PRCP: variants seen among roughly 807,000 people sequenced by gnomAD.
PRCP encodes the protein prolylcarboxypeptidase.
In PRCP, 46 loss-of-function variants were observed where a neutral mutation model predicts 54.2. The observed-to-expected ratio is 0.85, with a 90% CI of 0.67 to 1.09. The LOEUF (loss-of-function observed/expected upper bound fraction) is 1.09, where lower values mean the gene tolerates loss of function less well. Ranked by LOEUF, PRCP falls within the 50% of genes least tolerant of loss-of-function variation. The pLI is 0.00. For missense variants in PRCP, 613 were observed against 596.8 expected, an observed-to-expected ratio of 1.03 and a Z score of -0.28; for synonymous variants, 240 against 212.2, an observed-to-expected ratio of 1.13 and a Z score of -1.14.
chr11:82,899,828 A>G (rs1860213775), intron 1 of PRCP: 1 of 190,440 alleles, frequency 5.3e-6, no homozygotes, highest in Non-Finnish European at 1.1e-5. Flanking sequence ...AGGTAAAGAT[A>G]TTAAAATTTG....
chr11:82,878,942 C>A (rs1427848544), intron 1 of PRCP, among the ~76,000 whole-genome samples: 1 of 152,214 alleles, frequency 6.6e-6, no homozygotes, highest in Non-Finnish European at 1.5e-5. Flanking sequence ...GTTACCCAAC[C>A]TTTCTCTCCG....
In PRCP at chr11:82,900,305, T is replaced by A; in HGVS notation, c.98A>T (p.His33Leu). 6.2e-7 allele frequency: 1 copy of A among 1,614,184 alleles called. No homozygotes were observed. The highest frequency in any genetic ancestry group is 1.1e-5 in the South Asian group (1 of 91,084). Residue 33 changes from histidine (H) to leucine (L), a missense_variant, in exon 1 of 9, where the codon CAC becomes CTC. Physicochemically the swap from His to Leu is moderately conservative, Grantham distance 99. Coordinates refer to ENST00000313010, the MANE Select transcript of PRCP (RefSeq NM_005040.4). ...GAGGGATGTGGGGTTGGTTGGCAAG[T>A]GTAGGCTGCCGAGGGCCCTTAAGGC... ...RPALRALGSL[H>L]LPTNPTSLPA...
intron 3 of PRCP, among the ~76,000 whole-genome samples, chr11:82,851,095 T>A (rs1293118511): frequency 6.6e-6 from 1 of 152,208 alleles, no homozygotes; most frequent in Non-Finnish European, 1.5e-5. Context: ...AAACTCATAA[T>A]GTTAAGTTTC....
chr11:82,893,035 T>C lies in PRCP; in HGVS notation c.168+7200A>G, dbSNP rs186838086. 4.1e-4 allele frequency among the ~76,000 whole-genome samples: 62 copies of C among 152,358 alleles called. 1 individual carries two copies. The highest frequency in any genetic ancestry group is 1.3e-3 in the African/African-American group (55 of 41,578). ...TCATTAGTGCTGTCTGTCTAGGCACTACAAAGCCAATACTTTTTGTCTCCC... is the reference window on the plus strand; with the variant it reads ...TCATTAGTGCTGTCTGTCTAGGCACCACAAAGCCAATACTTTTTGTCTCCC... On this transcript the variant is annotated intron_variant, in intron 1 of 8. Coordinates refer to ENST00000313010, the MANE Select transcript of PRCP (RefSeq NM_005040.4).
chr11:82,825,638 A>AAGAAAGGGAGGGAGGGAGGGAGGAAAGG (rs1858211586), intron 8 of PRCP: 1 of 157,874 alleles, frequency 6.3e-6, no homozygotes, highest in African/African-American at 2.4e-5. Context: ...GGGAGGAAAG[A>AAGAAAGGGAGGGAGGGAGGGAGGAAAGG]AGAAAGGGAG....
intron 7 of PRCP, among the ~76,000 whole-genome samples, chr11:82,838,908 C>T (rs1858593738): frequency 1.3e-5 from 2 of 152,164 alleles, no homozygotes; most frequent in South Asian, 2.1e-4. Flanking sequence ...ATTAGACTCC[C>T]TTTCTTTTAT....
chr11:82,900,566 G>A, upstream of PRCP: 1 of 935,398 alleles, frequency 1.1e-6, no homozygotes, highest in Non-Finnish European at 1.7e-6. Context: ...CCCAAGCCAG[G>A]TCACCACAGC....
chr11:82,848,293 C>A (rs565222203), intron 6 of PRCP, among the ~76,000 whole-genome samples: 1 of 152,142 alleles, frequency 6.6e-6, no homozygotes, highest in Non-Finnish European at 1.5e-5. Context: ...AATGAACATA[C>A]ACAATAAATA....
intron 6 of PRCP, among the ~76,000 whole-genome samples, chr11:82,847,128 C>G (rs902234210): frequency 3.3e-5 from 5 of 152,236 alleles, no homozygotes; most frequent in African/African-American, 9.6e-5. Flanking sequence ...GTTTCTCAAC[C>G]TCTGTTCTAA....
rs577811201 is a variant in PRCP, at chr11:82,876,484, A to G, written c.169-16367T>C. ...ATATAGTTTTGCTGTGTCCCCACCC[A>G]AATCTCAACTTGAATTGTATCTCCC... On this transcript the variant is annotated intron_variant, in intron 1 of 8. Coordinates refer to ENST00000313010, the MANE Select transcript of PRCP (RefSeq NM_005040.4). Among the ~76,000 whole-genome samples the G allele has an allele frequency of 5.3e-5, 8 of 152,278 alleles. No homozygotes were observed. In the East Asian group the frequency reaches 1.3e-3, roughly 26 times the overall value.
chr11:82,886,632 A>G (rs1346588918), intron 1 of PRCP, among the ~76,000 whole-genome samples: 2 of 152,122 alleles, frequency 1.3e-5, no homozygotes, highest in East Asian at 1.9e-4. Flanking sequence ...CCTTCTGTCT[A>G]TTTCTGAAAT....
rs1346512663 is a variant in PRCP, at chr11:82,823,825, T to C, written c.*1081A>G. ...TTGAAAGAAGCCAACCCCTTGGAAA[T>C]AGGAATGGCTTGGCCATTTATTAAT... On this transcript the variant is annotated 3_prime_UTR_variant, in exon 9 of 9. Transcript: ENST00000313010. 2.0e-5 allele frequency: 3 copies of C among 152,112 alleles called. No individual in the cohort carries two copies. The highest frequency in any genetic ancestry group is 4.1e-4 in the South Asian group (2 of 4,824). 9.4% of individuals were successfully genotyped at this position (152,112 alleles called of 1,614,324 possible). A position where few individuals can be genotyped will look rare whatever the true frequency, so the allele number is the denominator to read the frequency against.
At chr11:82,884,470 C>T (rs1479871462) in intron 1 of PRCP, among the ~76,000 whole-genome samples, 1 of 152,154 alleles carries the variant, frequency 6.6e-6, no homozygotes, top group East Asian at 1.9e-4. Context: ...GATGGGAGAA[C>T]TGATTGAGCC....
At chr11:82,849,848 A>G in intron 5 of PRCP, 66 bp downstream of exon 5, 3 of 1,272,792 alleles carry the variant, frequency 2.4e-6, no homozygotes, top group Non-Finnish European at 2.0e-6. Flanking sequence ...AAAAGCGACA[A>G]CTACTGAATT....
intron 1 of PRCP, among the ~76,000 whole-genome samples, chr11:82,861,130 C>T (rs1323526623): frequency 6.6e-6 from 1 of 150,802 alleles, no homozygotes; most frequent in Non-Finnish European, 1.5e-5. Context: ...CATTTGCCAC[C>T]ATTTGTTTAT....
At chr11:82,901,299 C>G (rs1860288850), upstream of PRCP, among the ~76,000 whole-genome samples, 1 of 152,080 alleles carries the variant, frequency 6.6e-6, no homozygotes, top group Admixed American at 6.5e-5. Context: ...TCTCCGGCAC[C>G]CGAAAACCCA....
At chr11:82,887,132 C>T (rs1245567484) in intron 1 of PRCP, among the ~76,000 whole-genome samples, 2 of 152,174 alleles carry the variant, frequency 1.3e-5, no homozygotes, top group Middle Eastern at 3.2e-3. Flanking sequence ...TCTTTATCAT[C>T]TCCCTTCTTC....
chr11:82,878,115 T>C (rs934493285), intron 1 of PRCP, among the ~76,000 whole-genome samples: 1 of 152,214 alleles, frequency 6.6e-6, no homozygotes, highest in African/African-American at 2.4e-5. Flanking sequence ...ATGGGGCCTG[T>C]AACCCCTTTG....
At chr11:82,868,433 CAG>C (rs1387049236) in intron 1 of PRCP, among the ~76,000 whole-genome samples, 1 of 151,936 alleles carries the variant, frequency 6.6e-6, no homozygotes, top group Non-Finnish European at 1.5e-5. Flanking sequence ...GAGAATCTAA[CAG>C]AAATGATTAA....
Sources: allele counts gnomAD v4.1 joint callset (sites outside exome capture counted in the v4.1 genomes callset), GRCh38; gene constraint gnomAD v4.1.1; transcripts MANE v1.5; gene names NCBI Gene and HGNC (gene_info 2026-07-23, HGNC 2026-07-21).